The following TMEM132D variants were observed in gnomAD, a reference collection of about 807,000 sequenced individuals.
TMEM132D encodes the protein mature OL transmembrane protein.
In TMEM132D, 21 loss-of-function variants were observed where a neutral mutation model predicts 62.3. The ratio of observed to expected loss-of-function variants is 0.34; its 90% CI spans 0.24 to 0.49. TMEM132D has a LOEUF of 0.49. Ranked by LOEUF, TMEM132D falls within the 20% of genes least tolerant of loss-of-function variation. The pLI is 0.99. For synonymous variants in TMEM132D, 621 were observed against 575.6 expected, an observed-to-expected ratio of 1.08 and a Z score of -1.13; for missense variants, 1,346 against 1,402.8, an observed-to-expected ratio of 0.96 and a Z score of 0.65.
chr12:129,866,116 A>G (rs1431374755), intron 1 of TMEM132D, among the ~76,000 whole-genome samples: 2 of 152,232 alleles, frequency 1.3e-5, no homozygotes, highest in South Asian at 2.1e-4. Context: ...GCCAAGAAGT[A>G]TATGAAAAAG....
At chr12:129,299,668 T>C (rs971414295) in intron 4 of TMEM132D, among the ~76,000 whole-genome samples, 1 of 149,186 alleles carries the variant, frequency 6.7e-6, no homozygotes, top group Non-Finnish European at 1.5e-5. Context: ...ATGTAGAGAC[T>C]ATTAACAATG....
chr12:129,216,760 A>T (rs767506548), intron 4 of TMEM132D, among the ~76,000 whole-genome samples: 1 of 152,210 alleles, frequency 6.6e-6, no homozygotes, highest in East Asian at 1.9e-4. Context: ...TGCCAGAAGC[A>T]TGGCCACACT....
intron 4 of TMEM132D, chr12:129,212,079 C>T (rs1879068961): frequency 6.6e-6 from 1 of 152,172 alleles, no homozygotes; most frequent in African/African-American, 2.4e-5. Flanking sequence ...AGCAGTGTGG[C>T]CACTTCTGAC....
intron 4 of TMEM132D, among the ~76,000 whole-genome samples, chr12:129,289,547 TAAAAAAA>T (rs59709658): frequency 1.1e-5 from 1 of 92,200 alleles, no homozygotes; most frequent in South Asian, 3.5e-4. Context: ...TCCATCTCAA[TAAAAAAA>T]AAAAAAAAAA....
chr12:129,334,749 C>A (rs962519859), intron 4 of TMEM132D, among the ~76,000 whole-genome samples: 4 of 152,116 alleles, frequency 2.6e-5, no homozygotes, highest in African/African-American at 9.7e-5. Context: ...GTCACCAGAG[C>A]CGGCTAATTT....
intron 2 of TMEM132D, among the ~76,000 whole-genome samples, chr12:129,567,591 C>A (rs1425927189): frequency 6.6e-6 from 1 of 152,092 alleles, no homozygotes; most frequent in Non-Finnish European, 1.5e-5. Context: ...GAGAATTTAG[C>A]TGGTATCTGC....
intron 1 of TMEM132D, among the ~76,000 whole-genome samples, chr12:129,744,455 C>G (rs1412717715): frequency 1.3e-5 from 2 of 152,190 alleles, no homozygotes; most frequent in Admixed American, 1.3e-4. Context: ...GAAATGGAGC[C>G]TTTGACAAAC....
At chr12:129,424,817 T>C (rs1218411598) in intron 3 of TMEM132D, among the ~76,000 whole-genome samples, 1 of 151,434 alleles carries the variant, frequency 6.6e-6, no homozygotes, top group South Asian at 2.1e-4. Flanking sequence ...ATTTAGAACA[T>C]TATTTACTTA....
intron 1 of TMEM132D, among the ~76,000 whole-genome samples, chr12:129,826,051 A>C (rs1024076131): frequency 2.7e-4 from 41 of 152,144 alleles, no homozygotes; most frequent in African/African-American, 7.2e-5. Context: ...ACAGAGCAAG[A>C]CCCAGTCTCT....
In TMEM132D at chr12:129,371,157, A is replaced by G. The variant is rs961064317; in HGVS notation, c.1116-33340T>C. 2.0e-5 allele frequency among the ~76,000 whole-genome samples: 3 copies of G among 152,222 alleles called. No homozygotes were observed. Among genetic ancestry groups the G allele is most frequent in the African/African-American group, 7.2e-5 (3 of 41,466 alleles). ...TACAACTATGACAAATCAATAAAAAAGTACAAAAGACTTGCTAAAACAAAG... is the reference window on the plus strand; with the variant it reads ...TACAACTATGACAAATCAATAAAAAGGTACAAAAGACTTGCTAAAACAAAG... On this transcript the variant is annotated intron_variant, in intron 3 of 8. Transcript: ENST00000422113. This position sits in a 1 kb window ranked among gnomAD's most constrained non-coding sequence, Gnocchi z 4.3.
At chr12:129,212,231 T>G (rs367765622) in intron 4 of TMEM132D, 1 of 152,248 alleles carries the variant, frequency 6.6e-6, no homozygotes, top group South Asian at 2.1e-4. Context: ...GAATGACTGA[T>G]GAGCAGCTGT....
chr12:129,218,055 G>A (rs1022890437), intron 4 of TMEM132D, among the ~76,000 whole-genome samples: 9 of 152,040 alleles, frequency 5.9e-5, no homozygotes, highest in African/African-American at 9.7e-5. Flanking sequence ...GAGTGAGGCC[G>A]GGTCAAGAAT....
chr12:129,386,080 T>C (rs1376340461), intron 3 of TMEM132D, among the ~76,000 whole-genome samples: 2 of 152,196 alleles, frequency 1.3e-5, no homozygotes, highest in Admixed American at 1.3e-4. Context: ...ACAGTGGTAA[T>C]GGCCTGAGTG....
At chr12:129,208,121 G>A (rs1878910881) in intron 5 of TMEM132D, among the ~76,000 whole-genome samples, 1 of 152,160 alleles carries the variant, frequency 6.6e-6, no homozygotes, top group Admixed American at 6.5e-5. Context: ...GGGGTTATGG[G>A]AGAGGAGGTA....
intron 3 of TMEM132D, among the ~76,000 whole-genome samples, chr12:129,523,256 T>C (rs1304890634): frequency 6.6e-6 from 1 of 152,230 alleles, no homozygotes; most frequent in Non-Finnish European, 1.5e-5. Flanking sequence ...TTTTTGGTAG[T>C]TCCATTGAAA....
In TMEM132D at chr12:129,779,536, GC is replaced by G. The variant is rs1397952626; in HGVS notation, c.80-78839del. 1.3e-5 allele frequency among the ~76,000 whole-genome samples: 2 copies of G among 152,176 alleles called. No homozygotes were observed. Among genetic ancestry groups the G allele is most frequent in the African/African-American group, 4.8e-5 (2 of 41,446 alleles). ...GGACTCAAACCACCTGCCTGCCTCA[GC>G]CTCCCAAAGTGTTGGGATTACAGGT... On this transcript the variant is annotated intron_variant, in intron 1 of 8. Coordinates refer to ENST00000422113, the MANE Select transcript of TMEM132D (RefSeq NM_133448.3). The surrounding 1 kb of genome is among the most constrained non-coding windows in gnomAD (Gnocchi z 4.1).
chr12:129,670,689 C>T (rs1187753175), intron 2 of TMEM132D, among the ~76,000 whole-genome samples: 10 of 152,316 alleles, frequency 6.6e-5, no homozygotes, highest in East Asian at 3.9e-4. Context: ...GTGTGAATTA[C>T]TCTTCCTCTA....
chr12:129,452,058 C>T lies in TMEM132D; in HGVS notation c.1115+79001G>A, dbSNP rs146815872. ...GAGGTCAGTTTAAAGAGACGAAATG[C>T]TATTTCTAAGCCTTGGTGAATTTTT... On this transcript the variant is annotated intron_variant, in intron 3 of 8. Coordinates refer to ENST00000422113, the MANE Select transcript of TMEM132D (RefSeq NM_133448.3). Among the ~76,000 whole-genome samples the T allele has an allele frequency of 1.5e-3, 222 of 152,286 alleles. 1 individual carries two copies. The highest frequency in any genetic ancestry group is 5.1e-3 in the African/African-American group (211 of 41,548).
chr12:129,513,489 G>T (rs1054275643), intron 3 of TMEM132D, among the ~76,000 whole-genome samples: 12 of 151,974 alleles, frequency 7.9e-5, no homozygotes, highest in African/African-American at 2.9e-4. Context: ...AGGTTTGTTT[G>T]TTTGTTTGTT....
Sources: gnomAD v4.1 joint callset for allele counts (sites outside exome capture counted in the v4.1 genomes callset) on GRCh38, gnomAD v4.1.1 for gene constraint, Gnocchi (gnomAD v3.1) non-coding constraint, MANE v1.5 for transcripts, NCBI Gene and HGNC (gene_info 2026-07-23, HGNC 2026-07-21) for gene names.